The following PSMC1 variants were observed in gnomAD, a reference collection of about 807,000 sequenced individuals.
The protein encoded by PSMC1 is proteasome 26S subunit, ATPase 1.
A neutral mutation model predicts 49.8 loss-of-function variants in PSMC1; 5 were observed. The ratio of observed to expected loss-of-function variants is 0.10; its 90% CI spans 0.05 to 0.21. The LOEUF is 0.21. Among genes scored for constraint, PSMC1 ranks in the 10% least tolerant of loss-of-function variants. The probability of loss-of-function intolerance (pLI) is 1.00; values close to 1 mark genes in which losing one functional copy is unlikely to be tolerated. For missense variants in PSMC1, 181 were observed against 535.7 expected, an observed-to-expected ratio of 0.34 and a Z score of 6.54; for synonymous variants, 155 against 192.1, an observed-to-expected ratio of 0.81 and a Z score of 1.60.
At chr14:90,269,220 C>G (rs1210169031) in intron 8 of PSMC1, 177 bp from the exon 9 acceptor site, 1 of 602,930 alleles carries the variant, frequency 1.7e-6, no homozygotes, top group Non-Finnish European at 2.9e-6. Flanking sequence ...GAAATACATT[C>G]AGACCATGGC....
intron 3 of PSMC1, among the ~76,000 whole-genome samples, chr14:90,262,155 G>C (rs1224917009): frequency 3.3e-5 from 2 of 61,280 alleles, no homozygotes; most frequent in East Asian, 5.3e-4. Flanking sequence ...GTCGTGGGGT[G>C]GGGGGAGGGG....
intron 10 of PSMC1, chr14:90,270,754 T>G (rs1470118161): frequency 6.3e-6 from 1 of 159,678 alleles, no homozygotes; most frequent in African/African-American, 2.4e-5. Flanking sequence ...TCTGGAAGGT[T>G]GTACCAGATT....
chr14:90,266,227 C>T (rs1891509900), intron 7 of PSMC1, among the ~76,000 whole-genome samples: 5 of 151,768 alleles, frequency 3.3e-5, no homozygotes, highest in Admixed American at 3.3e-4. Context: ...TGCACTCCAG[C>T]CTGGGTGACA....
intron 3 of PSMC1, among the ~76,000 whole-genome samples, chr14:90,262,933 TGTATA>T (rs1355408101): frequency 6.6e-6 from 1 of 152,196 alleles, no homozygotes; most frequent in Non-Finnish European, 1.5e-5. Flanking sequence ...TAGATGAGTA[TGTATA>T]TAGCCAGCAT....
chr14:90,259,281 A>G, intron 2 of PSMC1, 68 bp downstream of exon 2: 1 of 1,454,846 alleles, frequency 6.9e-7, no homozygotes, highest in Non-Finnish European at 9.6e-7. Flanking sequence ...TCGGCTGAGA[A>G]GTTCTGTGGG....
At chr14:90,257,292 A>G (rs1566670354) in intron 1 of PSMC1, among the ~76,000 whole-genome samples, 1 of 152,204 alleles carries the variant, frequency 6.6e-6, no homozygotes, top group African/African-American at 2.4e-5. Context: ...TAGTGCGTAC[A>G]TTCTAGAGCA....
intron 10 of PSMC1, chr14:90,271,484 A>T (rs1257011627): frequency 6.6e-6 from 1 of 152,208 alleles, no homozygotes; most frequent in Non-Finnish European, 1.5e-5. Context: ...AATTAAATAT[A>T]TTGGAATAAA....
rs1891702393 is a variant in PSMC1 at position 90,272,734 on chromosome 14, A to AGTGTG, written c.*329_*333dup. The AGTGTG allele has an allele frequency of 5.0e-6, 1 of 201,510 alleles. No homozygotes were observed. The highest frequency in any genetic ancestry group is 2.3e-5 in the African/African-American group (1 of 42,764). The allele number at this position is 201,510 out of a possible 1,614,324, so 12.5% of individuals were successfully genotyped here. ...AGGAACTCAGGCTGCGGTCCCAAGG[A>AGTGTG]GTGTGGACCTCACTATGCGTTCGCC... On this transcript the variant is annotated 3_prime_UTR_variant, in exon 11 of 11. Coordinates refer to ENST00000261303, the MANE Select transcript of PSMC1 (RefSeq NM_002802.3). This position sits in a 1 kb window ranked among gnomAD's most constrained non-coding sequence, Gnocchi z 4.5.
chr14:90,267,144 T>C (rs1891538078), intron 7 of PSMC1, among the ~76,000 whole-genome samples: 1 of 151,820 alleles, frequency 6.6e-6, no homozygotes, highest in South Asian at 2.1e-4. Context: ...TTTTTTTTTT[T>C]TTTGAGACGG....
At chr14:90,259,038 G>A (rs1891347652) in intron 1 of PSMC1, 122 bp from the exon 2 acceptor site, 8 of 844,712 alleles carry the variant, frequency 9.5e-6, no homozygotes, top group Middle Eastern at 6.4e-4. Flanking sequence ...GTTCAGAAAT[G>A]TTCAAATGAG....
chr14:90,263,769 A>G lies in PSMC1; in HGVS notation c.387A>G (p.Ser129=). 1 of 1,613,794 alleles carries G rather than the reference A, an allele frequency of 6.2e-7. No individual in the cohort carries two copies. The highest frequency in any genetic ancestry group is 8.5e-7 in the Non-Finnish European group (1 of 1,179,618). Residue 129 remains serine (S), a synonymous_variant, in exon 5 of 11, where the codon TCA becomes TCG. Coordinates refer to ENST00000261303, the MANE Select transcript of PSMC1 (RefSeq NM_002802.3). ...CCATCGTGTCTACATCTGTGGGCTC[A>G]GAACACTACGTCAGCATTCTTTCAT... ...NHAIVSTSVG[S]EHYVSILSFV...
chr14:90,260,084 T>TG (rs1431031930), intron 2 of PSMC1, 31 bp from the exon 3 acceptor site: 1 of 1,233,860 alleles, frequency 8.1e-7, no homozygotes, highest in Admixed American at 2.7e-5. Context: ...TTTCATGTGA[T>TG]TTTTTTTTCC....
intron 8 of PSMC1, chr14:90,269,040 C>G (rs1157647821): frequency 1.1e-5 from 2 of 175,144 alleles, no homozygotes; most frequent in Non-Finnish European, 2.4e-5. Flanking sequence ...AGGGCCTACA[C>G]TAGTTCCCTG....
chr14:90,263,188 A>AC (rs1478103061), intron 3 of PSMC1, 130 bp from the exon 4 acceptor site: 1 of 924,854 alleles, frequency 1.1e-6, no homozygotes, highest in East Asian at 2.9e-5. Flanking sequence ...CGGTTTACTT[A>AC]GAGTTACCAA....
chr14:90,259,760 T>A (rs7492435), intron 2 of PSMC1, among the ~76,000 whole-genome samples: 48,473 of 151,852 alleles, frequency 0.32, 8,940 homozygotes, highest in East Asian at 0.52. Flanking sequence ...TAGCTGGGAT[T>A]ACAGGTGCCT....
In PSMC1 at chr14:90,275,305, G is replaced by A. The variant is rs1466019189; in HGVS notation, c.*2898G>A. ...TGCGTCCATGCTGACTTCCTGTTCA[G>A]TGTCTGTATCGTGGGCGGGTAGCAG... On this transcript the variant is annotated 3_prime_UTR_variant, in exon 11 of 11. Coordinates refer to ENST00000261303, the MANE Select transcript of PSMC1 (RefSeq NM_002802.3). 1.3e-5 allele frequency: 2 copies of A among 152,144 alleles called. No homozygotes were observed. Among genetic ancestry groups the A allele is most frequent in the African/African-American group, 2.4e-5 (1 of 41,424 alleles). 9.4% of individuals were successfully genotyped at this position (152,144 alleles called of 1,614,324 possible).
intron 9 of PSMC1, 76 bp downstream of exon 9, chr14:90,269,624 A>G: frequency 6.7e-7 from 1 of 1,492,878 alleles, no homozygotes; most frequent in Non-Finnish European, 9.1e-7. Context: ...TGGGAGGCCT[A>G]TAAAATGATA....
rs1891783269 is a variant in PSMC1 at position 90,275,426 on chromosome 14, C to T, written c.*3019C>T. On this transcript the variant is annotated 3_prime_UTR_variant, in exon 11 of 11. Coordinates refer to ENST00000261303, the MANE Select transcript of PSMC1 (RefSeq NM_002802.3). ...TTTGAGATTAAAAAAAACAAAAAAC[C>T]CCAGCACATCAGTATTGCCTTTTCC... The T allele has an allele frequency of 6.6e-6, 1 of 152,132 alleles. No homozygotes were observed. The highest frequency in any genetic ancestry group is 1.5e-5 in the Non-Finnish European group (1 of 68,020). 9.4% of individuals were successfully genotyped at this position (152,132 alleles called of 1,614,324 possible).
intron 3 of PSMC1, among the ~76,000 whole-genome samples, chr14:90,262,286 TTAAAG>T (rs1420245339): frequency 6.6e-6 from 1 of 151,594 alleles, no homozygotes; most frequent in African/African-American, 2.4e-5. Context: ...ACCCTAAAAC[TTAAAG>T]TATAATAATA....
Sources: allele counts gnomAD v4.1 joint callset (sites outside exome capture counted in the v4.1 genomes callset), GRCh38; gene constraint gnomAD v4.1.1; non-coding constraint Gnocchi (gnomAD v3.1); transcripts MANE v1.5; gene names NCBI Gene and HGNC (gene_info 2026-07-23, HGNC 2026-07-21).